The following ASZ1 variants were observed in gnomAD, a reference collection of about 807,000 sequenced individuals.
ASZ1 encodes ankyrin repeat, SAM and basic leucine zipper domain-containing protein 1.
In ASZ1, 67 loss-of-function variants were observed where a neutral mutation model predicts 61.8. That is an observed-to-expected ratio of 1.08 (90% CI 0.89 to 1.33). ASZ1 has a LOEUF of 1.33. Among genes scored for constraint, ASZ1 ranks in the 40% most tolerant of loss-of-function variants. The pLI is 0.00. For synonymous variants in ASZ1, 193 were observed against 192.7 expected, an observed-to-expected ratio of 1.00 and a Z score of -0.01; for missense variants, 577 against 554.5, an observed-to-expected ratio of 1.04 and a Z score of -0.41.
chr7:117,392,848 C>CTG (rs1554362673), intron 4 of ASZ1, among the ~76,000 whole-genome samples: 2 of 139,032 alleles, frequency 1.4e-5, no homozygotes, highest in African/African-American at 5.4e-5. Flanking sequence ...TAAGATATAT[C>CTG]TTTTTTTTTT....
chr7:117,394,447 G>C (rs1402621290), intron 4 of ASZ1, among the ~76,000 whole-genome samples: 1 of 151,898 alleles, frequency 6.6e-6, no homozygotes, highest in Non-Finnish European at 1.5e-5. Context: ...TTAACTTTTA[G>C]GATTTTTGCC....
chr7:117,392,739 C>T (rs1046549561), intron 4 of ASZ1, among the ~76,000 whole-genome samples: 4 of 152,206 alleles, frequency 2.6e-5, no homozygotes, highest in Admixed American at 6.5e-5. Context: ...GAAATTTCCT[C>T]TGTGCTTTCT....
At chr7:117,426,209 C>T (rs956505512) in intron 2 of ASZ1, among the ~76,000 whole-genome samples, 6 of 151,596 alleles carry the variant, frequency 4.0e-5, no homozygotes, top group Non-Finnish European at 8.8e-5. Flanking sequence ...AGGCAGGGCA[C>T]GGTGGCTCAT....
At chr7:117,391,917 G>A (rs1473924752) in intron 4 of ASZ1, among the ~76,000 whole-genome samples, 2 of 151,880 alleles carry the variant, frequency 1.3e-5, no homozygotes, top group Non-Finnish European at 2.9e-5. Flanking sequence ...TCAGCCTCCC[G>A]AGTAGCTGGG....
chr7:117,367,309 A>C (rs1432139932), intron 12 of ASZ1, 43 bp downstream of exon 12: 1 of 1,351,410 alleles, frequency 7.4e-7, no homozygotes, highest in East Asian at 2.7e-5. Flanking sequence ...GCTGTAAATC[A>C]TTTCCCTTCA....
intron 5 of ASZ1, 92 bp downstream of exon 5, chr7:117,385,606 C>T: frequency 1.9e-6 from 2 of 1,031,174 alleles, no homozygotes; most frequent in Non-Finnish European, 2.9e-6. Flanking sequence ...TATATTCCAG[C>T]CCTTTTGTAA....
intron 6 of ASZ1, 24 bp downstream of exon 6, chr7:117,384,702 A>G: frequency 6.3e-7 from 1 of 1,585,632 alleles, no homozygotes; most frequent in Non-Finnish European, 8.6e-7. Context: ...ACAGAAAATA[A>G]GTTTAATATG....
chr7:117,420,439 G>C (rs185047160), intron 3 of ASZ1, among the ~76,000 whole-genome samples, 165 bp from the exon 4 acceptor site: 1 of 152,264 alleles, frequency 6.6e-6, no homozygotes, highest in East Asian at 1.9e-4. Context: ...CGAAAGATGA[G>C]ATTAGACATG....
At chr7:117,408,407 A>G (rs538324024) in intron 4 of ASZ1, among the ~76,000 whole-genome samples, 1 of 152,278 alleles carries the variant, frequency 6.6e-6, no homozygotes, top group East Asian at 1.9e-4. Flanking sequence ...TGTGCCAGGA[A>G]CCAGGGGACA....
rs1425534887 is a variant in ASZ1, at chr7:117,426,954, T to A, written c.106-19A>T. On this transcript the variant is annotated intron_variant, in intron 1 of 12. Transcript: ENST00000284629. ...TCAATTTCTAGAAAAGTAAACATTT[T>A]AAAAAATTCTTGTTATATATATTTT... The A allele has an allele frequency of 7.6e-6, 12 of 1,573,562 alleles. No homozygotes were observed. Among genetic ancestry groups the A allele is most frequent in the Admixed American group, 2.0e-5 (1 of 50,910 alleles).
intron 4 of ASZ1, among the ~76,000 whole-genome samples, chr7:117,393,766 T>A (rs1447876158): frequency 6.6e-6 from 1 of 152,182 alleles, no homozygotes; most frequent in Non-Finnish European, 1.5e-5. Context: ...ACTTTCTGTT[T>A]ATCATGCGTC....
chr7:117,404,965 T>G (rs1057387820), intron 4 of ASZ1, among the ~76,000 whole-genome samples: 1 of 152,156 alleles, frequency 6.6e-6, no homozygotes, highest in African/African-American at 2.4e-5. Flanking sequence ...CCCCTTCTGT[T>G]TGAACCTATT....
At chr7:117,374,490 G>A (rs1222820639) in intron 10 of ASZ1, among the ~76,000 whole-genome samples, 3 of 151,952 alleles carry the variant, frequency 2.0e-5, no homozygotes, top group Non-Finnish European at 4.4e-5. Flanking sequence ...ACCATAATAT[G>A]TTTCAAAAGC....
At chr7:117,413,965 T>C (rs955995797) in intron 4 of ASZ1, among the ~76,000 whole-genome samples, 5 of 152,246 alleles carry the variant, frequency 3.3e-5, no homozygotes, top group Non-Finnish European at 7.4e-5. Context: ...AAATCCATTA[T>C]TTTAACAACA....
At chr7:117,387,352 CCCAAAA>C (rs912393449) in intron 4 of ASZ1, among the ~76,000 whole-genome samples, 1 of 150,818 alleles carries the variant, frequency 6.6e-6, no homozygotes, top group Non-Finnish European at 1.5e-5. Flanking sequence ...AACAACGCCA[CCCAAAA>C]CCCCCACATA....
chr7:117,422,405 A>G (rs778574457), intron 2 of ASZ1, 46 bp from the exon 3 acceptor site: 2 of 1,593,368 alleles, frequency 1.3e-6, no homozygotes, highest in Non-Finnish European at 8.5e-7. Context: ...ACCACCAAAG[A>G]AAAAAATCAG....
intron 4 of ASZ1, among the ~76,000 whole-genome samples, chr7:117,419,067 A>G (rs1584743469): frequency 6.6e-6 from 1 of 152,252 alleles, no homozygotes; most frequent in Non-Finnish European, 1.5e-5. Context: ...ACACTAGATC[A>G]GGGTTTCTCA....
At chr7:117,386,498 C>T (rs1446945194) in intron 4 of ASZ1, among the ~76,000 whole-genome samples, 1 of 152,120 alleles carries the variant, frequency 6.6e-6, no homozygotes, top group African/African-American at 2.4e-5. Context: ...ACCTTCTGGG[C>T]CTATTCCAAG....
chr7:117,406,366 A>G (rs911348849), intron 4 of ASZ1, among the ~76,000 whole-genome samples: 3 of 152,210 alleles, frequency 2.0e-5, no homozygotes, highest in African/African-American at 7.2e-5. Context: ...AAAATAGAGG[A>G]TGGAATGAAG....
Sources: gnomAD v4.1 joint callset for allele counts (sites outside exome capture counted in the v4.1 genomes callset) on GRCh38, gnomAD v4.1.1 for gene constraint, MANE v1.5 for transcripts, NCBI Gene and HGNC (gene_info 2026-07-23, HGNC 2026-07-21) for gene names.